The following HIVEP3 variants were observed in gnomAD, a reference collection of about 807,000 sequenced individuals.
HIVEP3 encodes the protein HIVEP zinc finger 3, also known as transcription factor HIVEP3.
HIVEP3 carries 49 observed loss-of-function variants against 152.8 expected under a neutral mutation model. The ratio of observed to expected loss-of-function variants is 0.32; its 90% confidence interval spans 0.26 to 0.41. The LOEUF (loss-of-function observed/expected upper bound fraction) is 0.41, where lower values mean the gene tolerates loss of function less well. Among genes scored for constraint, HIVEP3 ranks in the 10% least tolerant of loss-of-function variants. The pLI, the probability that HIVEP3 is intolerant of heterozygous loss-of-function variation, is 1.00. For synonymous variants in HIVEP3, 1,269 were observed against 1,289.0 expected (o/e 0.98, Z 0.33); for missense variants, 2,790 against 3,103.3 (o/e 0.90, Z 2.40).
intron 1 of HIVEP3, among the ~76,000 whole-genome samples, chr1:41,911,966 G>T (rs1265024232): frequency 1.3e-5 from 2 of 152,216 alleles, no homozygotes; most frequent in Non-Finnish European, 2.9e-5. Flanking sequence ...CCCATTGTTT[G>T]TCAACCAGTG....
At chr1:41,645,737 T>C (rs1201087221) in intron 2 of HIVEP3, among the ~76,000 whole-genome samples, 2 of 152,226 alleles carry the variant, frequency 1.3e-5, no homozygotes. Context: ...AGTAAATACA[T>C]GCTGGGCTAA....
chr1:42,023,284 G>A (rs1043961934), intron 1 of HIVEP3, among the ~76,000 whole-genome samples: 1 of 152,142 alleles, frequency 6.6e-6, no homozygotes, highest in Admixed American at 6.5e-5. Flanking sequence ...TGGGATTACA[G>A]GCATAAGCCA....
intron 1 of HIVEP3, among the ~76,000 whole-genome samples, chr1:41,815,791 C>T (rs920862717): frequency 5.6e-4 from 84 of 150,794 alleles, no homozygotes; most frequent in African/African-American, 1.9e-3. Flanking sequence ...TTTTTTGAGA[C>T]AGAAGTCTCT....
intron 2 of HIVEP3, among the ~76,000 whole-genome samples, chr1:41,679,795 C>T (rs1260757214): frequency 2.0e-5 from 3 of 152,244 alleles, no homozygotes; most frequent in Admixed American, 6.5e-5. Flanking sequence ...AATTAATTTT[C>T]TCACCAGAAG....
chr1:41,841,406 A>G (rs1643284319), intron 1 of HIVEP3, among the ~76,000 whole-genome samples: 1 of 112,296 alleles, frequency 8.9e-6, no homozygotes, highest in African/African-American at 5.8e-5. Flanking sequence ...TTGACAATGC[A>G]TTACAAACAG....
chr1:41,716,404 TC>T (rs1245245647), intron 1 of HIVEP3, among the ~76,000 whole-genome samples: 2 of 151,838 alleles, frequency 1.3e-5, no homozygotes, highest in Non-Finnish European at 1.5e-5. Context: ...ACCCAAGCTC[TC>T]CCCCCATCAC....
chr1:41,514,147 CTTTG>C (rs72280396), intron 7 of HIVEP3, among the ~76,000 whole-genome samples: 6,315 of 151,758 alleles, frequency 0.042, 432 homozygotes, highest in African/African-American at 0.14. Context: ...AGAAGACAGT[CTTTG>C]TTTGTTTGTT....
chr1:41,575,427 C>A, intron 5 of HIVEP3, 117 bp downstream of exon 5: 1 of 1,089,884 alleles, frequency 9.2e-7, no homozygotes, highest in Non-Finnish European at 1.3e-6. Flanking sequence ...TCGCTGGGAC[C>A]ACAGGGCACC....
chr1:41,913,806 T>G (rs1471239244), intron 1 of HIVEP3, among the ~76,000 whole-genome samples: 1 of 152,244 alleles, frequency 6.6e-6, no homozygotes, highest in Admixed American at 6.5e-5. Context: ...ATCGTGTGTT[T>G]ATAACACTGC....
intron 2 of HIVEP3, among the ~76,000 whole-genome samples, chr1:41,679,599 C>A (rs777973433): frequency 6.6e-6 from 1 of 152,178 alleles, no homozygotes; most frequent in Non-Finnish European, 1.5e-5. Context: ...GACCAGCCTA[C>A]AAGGTGCTGC....
chr1:41,727,594 C>T (rs1207775911), intron 1 of HIVEP3, among the ~76,000 whole-genome samples: 5 of 152,222 alleles, frequency 3.3e-5, no homozygotes, highest in Non-Finnish European at 7.3e-5. Flanking sequence ...GGCTGAGGGG[C>T]GCGGCGCCGC....
intron 1 of HIVEP3, among the ~76,000 whole-genome samples, chr1:41,869,957 T>C: frequency 6.6e-6 from 1 of 152,218 alleles, no homozygotes; most frequent in Non-Finnish European, 1.5e-5. Context: ...GAACAAATCT[T>C]ACAAGTAACA....
At chr1:41,966,304 C>T (rs539257967) in intron 1 of HIVEP3, among the ~76,000 whole-genome samples, 4 of 152,148 alleles carry the variant, frequency 2.6e-5, no homozygotes, top group East Asian at 3.9e-4. Flanking sequence ...AATGACACTA[C>T]GAAGCAACTC....
intron 1 of HIVEP3, among the ~76,000 whole-genome samples, chr1:41,711,682 G>A (rs972212731): frequency 3.3e-5 from 5 of 152,136 alleles, no homozygotes; most frequent in East Asian, 3.8e-4. Flanking sequence ...CCTTCTCCTC[G>A]TCCTTCCTGC....
At chr1:41,696,695 T>C (rs1195715934) in intron 2 of HIVEP3, among the ~76,000 whole-genome samples, 1 of 152,128 alleles carries the variant, frequency 6.6e-6, no homozygotes, top group African/African-American at 2.4e-5. Context: ...TGCAGCAGCC[T>C]GGTTCAATAG....
chr1:41,529,630 C>A (rs1351408988), intron 5 of HIVEP3, among the ~76,000 whole-genome samples: 2 of 146,714 alleles, frequency 1.4e-5, no homozygotes, highest in African/African-American at 2.5e-5. Context: ...CCACACCCCC[C>A]ACACCCTCAC....
rs192562690 is a variant in HIVEP3, at chr1:41,709,585, G to A, written c.-800-8590C>T. ...CCAGCCTATAGCTTGAGGACATGGA[G>A]AACAGAACCAAGCCCCAAGTGGGGT... On this transcript the variant is annotated intron_variant, in intron 1 of 8. Coordinates refer to ENST00000372583, the MANE Select transcript of HIVEP3 (RefSeq NM_024503.5). Among the ~76,000 whole-genome samples, 441 of 152,326 alleles carry A rather than the reference G, an allele frequency of 2.9e-3. 7 individuals are homozygous for A. The highest frequency in any genetic ancestry group is 0.01 in the African/African-American group (430 of 41,578).
chr1:41,926,468 C>G (rs1270629289), intron 1 of HIVEP3, among the ~76,000 whole-genome samples: 1 of 152,180 alleles, frequency 6.6e-6, no homozygotes, highest in Non-Finnish European at 1.5e-5. Context: ...TTGTGGCACT[C>G]AAGCTAAACA....
chr1:41,672,151 A>C (rs1381079887), intron 2 of HIVEP3, among the ~76,000 whole-genome samples: 2 of 152,086 alleles, frequency 1.3e-5, no homozygotes, highest in Admixed American at 6.5e-5. Flanking sequence ...TGGGAGAGCC[A>C]CTTTCCCTGT....
Sources: allele counts gnomAD v4.1 joint callset (sites outside exome capture counted in the v4.1 genomes callset), GRCh38; gene constraint gnomAD v4.1.1; transcripts MANE v1.5; gene names NCBI Gene and HGNC (gene_info 2026-07-23, HGNC 2026-07-21).